Variants in ANTXR2 observed in about 807,000 individuals in gnomAD.
ANTXR2 encodes anthrax toxin receptor 2.
Under a neutral mutation model 73.7 loss-of-function variants are expected in ANTXR2, and 44 were observed. That is an observed-to-expected ratio of 0.60 (90% CI 0.47 to 0.77). ANTXR2 has a LOEUF of 0.77. Ranked by LOEUF, ANTXR2 falls within the 30% of genes least tolerant of loss-of-function variation. The pLI is 0.00. For synonymous variants in ANTXR2, 217 were observed against 205.9 expected (o/e 1.05, Z -0.46); for missense variants, 604 against 592.5 (o/e 1.02, Z -0.20).
chr4:79,976,154 C>T (rs1729621152), intron 16 of ANTXR2, among the ~76,000 whole-genome samples: 1 of 151,920 alleles, frequency 6.6e-6, no homozygotes, highest in Non-Finnish European at 1.5e-5. Context: ...CCTCGTGATC[C>T]GCCCGCCTCG....
intron 12 of ANTXR2, among the ~76,000 whole-genome samples, chr4:80,006,712 C>G (rs1731320299): frequency 6.6e-6 from 1 of 152,022 alleles, no homozygotes; most frequent in African/African-American, 2.4e-5. Flanking sequence ...TGATGATTGG[C>G]TCCTCTCCTT....
chr4:79,977,387 A>C (rs1729680320), intron 16 of ANTXR2: 1 of 811,822 alleles, frequency 1.2e-6, no homozygotes, highest in Non-Finnish European at 1.8e-6. Flanking sequence ...TGTACAAATG[A>C]CCAGAATTGT....
At chr4:80,056,442 G>A (rs548905431) in intron 3 of ANTXR2, among the ~76,000 whole-genome samples, 1 of 151,956 alleles carries the variant, frequency 6.6e-6, no homozygotes, top group Non-Finnish European at 1.5e-5. Context: ...TGTTATCTGC[G>A]AATTGCTAAA....
rs1296822129 is a variant in ANTXR2, at chr4:80,006,332, A to C, written c.1041+2189T>G. Among the ~76,000 whole-genome samples, 3 of 152,026 alleles carry C rather than the reference A, an allele frequency of 2.0e-5. No individual in the cohort carries two copies. In the South Asian group the frequency reaches 6.2e-4, roughly 32 times the overall value. On this transcript the variant is annotated intron_variant, in intron 12 of 16. Transcript: ENST00000403729. ...TGACACCTACTAGATAATCAATATT[A>C]GCCAAGGGCTGAATTCAGAATTTCA...
intron 12 of ANTXR2, among the ~76,000 whole-genome samples, chr4:80,000,690 T>G (rs1437172008): frequency 6.6e-6 from 1 of 152,228 alleles, no homozygotes; most frequent in East Asian, 1.9e-4. Context: ...AAAAATTTAA[T>G]ATAAAACATC....
At chr4:79,959,725 T>C (rs1258506247) in intron 16 of ANTXR2, among the ~76,000 whole-genome samples, 1 of 152,122 alleles carries the variant, frequency 6.6e-6, no homozygotes, top group East Asian at 1.9e-4. Flanking sequence ...TTGAAAGACA[T>C]ACATGAGGAA....
chr4:79,918,525 A>T (rs1340496774), intron 16 of ANTXR2, among the ~76,000 whole-genome samples: 1 of 152,280 alleles, frequency 6.6e-6, no homozygotes, highest in East Asian at 1.9e-4. Flanking sequence ...TTATTAAAAA[A>T]CAATGAAGGA....
At chr4:80,045,894 A>G (rs1733495754) in intron 7 of ANTXR2, among the ~76,000 whole-genome samples, 1 of 151,762 alleles carries the variant, frequency 6.6e-6, no homozygotes, top group African/African-American at 2.4e-5. Flanking sequence ...TAATACTTCA[A>G]CTAAGAACAA....
chr4:80,038,771 A>G (rs1170839882), intron 7 of ANTXR2, among the ~76,000 whole-genome samples: 1 of 152,210 alleles, frequency 6.6e-6, no homozygotes, highest in East Asian at 1.9e-4. Context: ...AGCACAAGTC[A>G]TAACATTGGT....
chr4:79,958,050 C>T (rs904944672), intron 16 of ANTXR2, among the ~76,000 whole-genome samples: 2 of 151,912 alleles, frequency 1.3e-5, no homozygotes, highest in Non-Finnish European at 1.5e-5. Flanking sequence ...TATCTCTTCC[C>T]TATTCTTCAT....
chr4:80,010,103 G>A (rs1731500408), intron 11 of ANTXR2, among the ~76,000 whole-genome samples: 1 of 151,336 alleles, frequency 6.6e-6, no homozygotes, highest in Non-Finnish European at 1.5e-5. Context: ...AAAAGAGAAA[G>A]AAGATTAATA....
chr4:79,947,763 A>C (rs2109978375), intron 16 of ANTXR2, among the ~76,000 whole-genome samples: 1 of 152,320 alleles, frequency 6.6e-6, no homozygotes, highest in East Asian at 1.9e-4. Flanking sequence ...GTACCTTGTC[A>C]GTAAATATTA....
At chr4:80,007,666 T>C (rs1731371988) in intron 12 of ANTXR2, among the ~76,000 whole-genome samples, 1 of 152,082 alleles carries the variant, frequency 6.6e-6, no homozygotes, top group African/African-American at 2.4e-5. Context: ...GAGATGTGAC[T>C]ACAGAAAAAT....
Position 79,957,556 on chromosome 4 carries a change from A to G in ANTXR2, c.1428+20065T>C, listed in dbSNP as rs1023321419. Among the ~76,000 whole-genome samples, 4 of 152,098 alleles carry G rather than the reference A, an allele frequency of 2.6e-5. No homozygotes were observed. The East Asian group carries it at 7.7e-4, about 29-fold the overall frequency. On this transcript the variant is annotated intron_variant, in intron 16 of 16. Coordinates refer to ENST00000403729, the MANE Select transcript of ANTXR2 (RefSeq NM_058172.6). ...TTACTTCACTGTCATTAGAGGTAAG[A>G]TATATGTGTAAATACTAAAATAATT... is the stretch of plus-strand genomic sequence containing the variant.
intron 16 of ANTXR2, among the ~76,000 whole-genome samples, chr4:79,910,042 T>C (rs1727063278): frequency 6.6e-6 from 1 of 152,164 alleles, no homozygotes; most frequent in South Asian, 2.1e-4. Context: ...CTCTGCCACT[T>C]CTTAACTGTG....
intron 12 of ANTXR2, among the ~76,000 whole-genome samples, chr4:80,003,069 C>T (rs1731127814): frequency 6.6e-6 from 1 of 151,152 alleles, no homozygotes; most frequent in South Asian, 2.1e-4. Context: ...GGGTATATAC[C>T]CAAAGGACTA....
intron 8 of ANTXR2, among the ~76,000 whole-genome samples, chr4:80,035,542 T>C (rs1209768008): frequency 6.6e-6 from 1 of 152,166 alleles, no homozygotes; most frequent in Non-Finnish European, 1.5e-5. Context: ...ACCTGCTTCC[T>C]TCCTGCAATC....
chr4:80,047,307 A>G (rs905813884), intron 7 of ANTXR2, among the ~76,000 whole-genome samples: 10 of 151,852 alleles, frequency 6.6e-5, no homozygotes, highest in Non-Finnish European at 1.2e-4. Flanking sequence ...AATAAAATGA[A>G]TAATTTAAAG....
At chr4:79,991,796 T>C (rs895723719) in intron 12 of ANTXR2, among the ~76,000 whole-genome samples, 2 of 152,060 alleles carry the variant, frequency 1.3e-5, no homozygotes, top group African/African-American at 4.8e-5. Flanking sequence ...AATCATGTCA[T>C]TGGCAGCAAC....
Sources: gnomAD v4.1 joint callset for allele counts (sites outside exome capture counted in the v4.1 genomes callset) on GRCh38, gnomAD v4.1.1 for gene constraint, MANE v1.5 for transcripts, NCBI Gene and HGNC (gene_info 2026-07-23, HGNC 2026-07-21) for gene names.